Variants in GRID1 observed in about 807,000 individuals in gnomAD.
GRID1 encodes the protein glutamate ionotropic receptor delta type subunit 1.
Under a neutral mutation model 98.0 loss-of-function variants are expected in GRID1, and 28 were observed. The observed-to-expected ratio is 0.29, with a 90% CI of 0.21 to 0.39. The LOEUF (loss-of-function observed/expected upper bound fraction) is 0.39, where lower values mean the gene tolerates loss of function less well. Ranked by LOEUF, GRID1 falls within the 10% of genes least tolerant of loss-of-function variation. GRID1 has a pLI of 1.00. For synonymous variants in GRID1, 553 were observed against 538.5 expected (o/e 1.03, Z -0.37); for missense variants, 1,111 against 1,340.5 (o/e 0.83, Z 2.67).
chr10:85,878,466 C>T (rs1301204078), intron 5 of GRID1, among the ~76,000 whole-genome samples: 14 of 152,188 alleles, frequency 9.2e-5, no homozygotes, highest in Non-Finnish European at 2.1e-4. Context: ...GGCCAATATT[C>T]AACATTCTTA....
chr10:86,093,739 C>T (rs1365837680), intron 4 of GRID1, among the ~76,000 whole-genome samples: 8 of 152,050 alleles, frequency 5.3e-5, no homozygotes, highest in East Asian at 3.9e-4. Context: ...CAGGACCAGA[C>T]GGATTCACAG....
intron 2 of GRID1, among the ~76,000 whole-genome samples, chr10:86,223,269 G>A (rs1846286294): frequency 6.6e-6 from 1 of 152,164 alleles, no homozygotes; most frequent in African/African-American, 2.4e-5. Flanking sequence ...GGAAGATGGT[G>A]CTCCCTTTCT....
At chr10:86,291,182 G>T (rs182562781) in intron 2 of GRID1, among the ~76,000 whole-genome samples, 175 of 152,322 alleles carry the variant, frequency 1.1e-3, no homozygotes, top group Admixed American at 2.9e-3. Flanking sequence ...CCTGTGGCGG[G>T]GGGTGGAAAG....
At chr10:85,785,275 G>A (rs1255363430) in intron 8 of GRID1, among the ~76,000 whole-genome samples, 1 of 152,248 alleles carries the variant, frequency 6.6e-6, no homozygotes, top group African/African-American at 2.4e-5. Flanking sequence ...AACCTTCACT[G>A]AAATTCTGCT....
chr10:86,121,437 CATT>C (rs1301280698), intron 4 of GRID1, among the ~76,000 whole-genome samples: 6 of 141,070 alleles, frequency 4.3e-5, no homozygotes, highest in African/African-American at 1.3e-4. Flanking sequence ...TTATCATCAT[CATT>C]AACATAATCA....
chr10:85,842,365 T>TA (rs1823284325), intron 8 of GRID1, among the ~76,000 whole-genome samples: 1 of 151,982 alleles, frequency 6.6e-6, no homozygotes, highest in African/African-American at 2.4e-5. Flanking sequence ...ATCTAATGGG[T>TA]ACTAGGCTTA....
chr10:85,782,314 A>G (rs958930625), intron 8 of GRID1, among the ~76,000 whole-genome samples: 15 of 152,120 alleles, frequency 9.9e-5, no homozygotes, highest in African/African-American at 3.6e-4. Context: ...AAAATTGACA[A>G]TCAATGCCTT....
chr10:85,732,913 C>A (rs1043604392), intron 8 of GRID1, among the ~76,000 whole-genome samples: 7 of 152,152 alleles, frequency 4.6e-5, no homozygotes, highest in African/African-American at 1.7e-4. Context: ...CTCAGGCACA[C>A]CACATTCCCT....
chr10:85,943,187 C>T lies in GRID1; in HGVS notation c.727-26948G>A, dbSNP rs1842016426. Among the ~76,000 whole-genome samples the T allele has an allele frequency of 2.0e-5, 3 of 152,134 alleles. No homozygotes were observed. The South Asian group carries it at 6.2e-4, about 32-fold the overall frequency. ...AAATTGTTATGTCAAAGGATATTGCCAAATAGCCCCCTACCAAAAAATTAT... is the reference window on the plus strand; with the variant it reads ...AAATTGTTATGTCAAAGGATATTGCTAAATAGCCCCCTACCAAAAAATTAT... On this transcript the variant is annotated intron_variant, in intron 4 of 15. Coordinates refer to ENST00000327946, the MANE Select transcript of GRID1 (RefSeq NM_017551.3).
intron 4 of GRID1, among the ~76,000 whole-genome samples, chr10:86,095,376 GC>G (rs1315047520): frequency 1.4e-4 from 22 of 152,194 alleles, no homozygotes; most frequent in Non-Finnish European, 7.3e-5. Flanking sequence ...GAACTAAAGA[GC>G]TTTTGCATGG....
intron 4 of GRID1, among the ~76,000 whole-genome samples, chr10:85,955,101 C>T (rs1415864687): frequency 6.6e-6 from 1 of 152,168 alleles, no homozygotes; most frequent in Admixed American, 6.5e-5. Context: ...ATGAGAACCA[C>T]CGGATTCCCC....
At chr10:85,809,121 T>C (rs1210034529) in intron 8 of GRID1, among the ~76,000 whole-genome samples, 1 of 151,852 alleles carries the variant, frequency 6.6e-6, no homozygotes, top group Admixed American at 6.6e-5. Flanking sequence ...CAGAATAAAA[T>C]GGACCGGACA....
At chr10:86,240,947 G>C (rs1237644331) in intron 2 of GRID1, among the ~76,000 whole-genome samples, 3 of 152,242 alleles carry the variant, frequency 2.0e-5, no homozygotes, top group Non-Finnish European at 4.4e-5. Flanking sequence ...GGCTGGGTCA[G>C]AGCCCCTGAG....
rs182920159 is a variant in GRID1 at position 86,083,222 on chromosome 10, A to G, written c.726+55597T>C. Among the ~76,000 whole-genome samples, 10 of 152,324 alleles carry G rather than the reference A, an allele frequency of 6.6e-5. No homozygotes were observed. The East Asian group carries it at 1.9e-3, about 29-fold the overall frequency. ...ATTCTCATGCAGTTGTATCTAAAGC[A>G]TCACTTATTGGGAGATGCCCTTTCT... On this transcript the variant is annotated intron_variant, in intron 4 of 15. Coordinates refer to ENST00000327946, the MANE Select transcript of GRID1 (RefSeq NM_017551.3).
intron 13 of GRID1, among the ~76,000 whole-genome samples, chr10:85,644,427 T>C (rs1173392862): frequency 1.3e-5 from 2 of 152,240 alleles, no homozygotes; most frequent in Non-Finnish European, 1.5e-5. Flanking sequence ...TGGATGTGTA[T>C]GTGTATATTT....
chr10:86,103,142 C>T (rs1429545198), intron 4 of GRID1, among the ~76,000 whole-genome samples: 1 of 152,070 alleles, frequency 6.6e-6, no homozygotes, highest in African/African-American at 2.4e-5. Context: ...GCTAATACAG[C>T]AGGAAAGCAA....
At chr10:85,743,113 C>A (rs111690670) in intron 8 of GRID1, among the ~76,000 whole-genome samples, 1,525 of 134,296 alleles carry the variant, frequency 0.011, 56 homozygotes, top group African/African-American at 0.038. Context: ...CAGCCCCCCC[C>A]CCCACCACCC....
intron 2 of GRID1, among the ~76,000 whole-genome samples, chr10:86,291,382 G>T (rs1207798058): frequency 6.6e-6 from 1 of 152,222 alleles, no homozygotes; most frequent in East Asian, 1.9e-4. Context: ...AAGCTGAGGA[G>T]CCCAGGGAAA....
chr10:85,957,423 G>A (rs1842209015), intron 4 of GRID1, among the ~76,000 whole-genome samples: 1 of 152,134 alleles, frequency 6.6e-6, no homozygotes, highest in African/African-American at 2.4e-5. Flanking sequence ...AAGCATTTAA[G>A]TGGCCAGGTT....
Sources: gnomAD v4.1 joint callset for allele counts (sites outside exome capture counted in the v4.1 genomes callset) on GRCh38, gnomAD v4.1.1 for gene constraint, MANE v1.5 for transcripts, NCBI Gene and HGNC (gene_info 2026-07-23, HGNC 2026-07-21) for gene names.